Variants in ATP5F1E observed in about 807,000 individuals in gnomAD.
The protein encoded by ATP5F1E is ATP synthase F1 subunit epsilon, also known as ATP synthase F(1) complex subunit epsilon, mitochondrial.
Under a neutral mutation model 7.0 loss-of-function variants are expected in ATP5F1E, and 5 were observed. That is an observed-to-expected ratio of 0.71 (90% CI 0.37 to 1.49). The LOEUF is 1.49. Ranked by LOEUF, ATP5F1E falls within the 40% of genes most tolerant of loss-of-function variation. The pLI, the probability that ATP5F1E is intolerant of heterozygous loss-of-function variation, is 0.03. For missense variants in ATP5F1E, 59 were observed against 57.1 expected, an observed-to-expected ratio of 1.03 and a Z score of -0.11; for synonymous variants, 20 against 20.1, an observed-to-expected ratio of 0.99 and a Z score of 0.02.
intron 1 of ATP5F1E, 116 bp downstream of exon 1, chr20:59,032,104 T>G: frequency 7.0e-7 from 1 of 1,435,900 alleles, no homozygotes; most frequent in Middle Eastern, 2.4e-4. Flanking sequence ...CGCCCGAGGC[T>G]TGGCCCAACC....
intron 2 of ATP5F1E, chr20:59,029,155 C>CT (rs1473024357): frequency 6.6e-6 from 1 of 152,198 alleles, no homozygotes; most frequent in East Asian, 1.9e-4. Flanking sequence ...GGGGCTAATG[C>CT]TTTGTTTAAG....
rs1231148717 is a variant in ATP5F1E, at chr20:59,032,308, CTCAGCCGGGCGGT to C, written c.-70_-58del. 5.1e-6 allele frequency: 8 copies of C among 1,572,726 alleles called. No individual in the cohort carries two copies. Among genetic ancestry groups the C allele is most frequent in the African/African-American group, 2.7e-5 (2 of 74,472 alleles). On this transcript the variant is annotated 5_prime_UTR_variant, in exon 1 of 3. Coordinates refer to ENST00000243997, the MANE Select transcript of ATP5F1E (RefSeq NM_006886.4). The stretch of plus-strand genomic sequence containing the variant: ...ATCGCCAAGACGCCGGCAATGTCGG[CTCAGCCGGGCGGT>C]TCAGCCGCAGGAAGATCAGACCACA...
intron 2 of ATP5F1E, 162 bp downstream of exon 2, chr20:59,030,141 A>G: frequency 1.3e-6 from 1 of 743,976 alleles, no homozygotes; most frequent in Non-Finnish European, 2.1e-6. Context: ...AGGCCAGGGG[A>G]CTTCTATAAC....
chr20:59,029,791 G>C (rs540660688), intron 2 of ATP5F1E: 14 of 171,158 alleles, frequency 8.2e-5, no homozygotes, highest in Non-Finnish European at 1.3e-4. Flanking sequence ...TATTCGCTGC[G>C]GGGTCTTGCA....
At position 59,026,678 on chromosome 20, in the gene ATP5F1E, A is replaced by G. The variant is rs2146379736; in HGVS notation, c.*2167T>C. ...AACCATCCAGACTGAGTAGTTAAAA[A>G]TATTTAGAAATGCATCTCACCATCC... On this transcript the variant is annotated 3_prime_UTR_variant, in exon 3 of 3. Coordinates refer to ENST00000243997, the MANE Select transcript of ATP5F1E (RefSeq NM_006886.4). 6.6e-6 allele frequency: 1 copy of G among 152,358 alleles called. No homozygotes were observed. Among genetic ancestry groups the G allele is most frequent in the Non-Finnish European group, 1.5e-5 (1 of 68,026 alleles). The allele number at this position is 152,358 out of a possible 1,614,324, so 9.4% of individuals were successfully genotyped here.
At chr20:59,031,968 G>A (rs1478396713) in intron 1 of ATP5F1E, among the ~76,000 whole-genome samples, 1 of 152,258 alleles carries the variant, frequency 6.6e-6, no homozygotes, top group African/African-American at 2.4e-5. Context: ...AAGGTGTCCA[G>A]GGGCACTCTG....
intron 1 of ATP5F1E, among the ~76,000 whole-genome samples, chr20:59,031,457 C>G (rs1449398418): frequency 6.6e-6 from 1 of 152,192 alleles, no homozygotes; most frequent in Admixed American, 6.5e-5. Flanking sequence ...GGAAGCTCCG[C>G]TGTAGTGTAC....
rs919129995 is a variant in ATP5F1E, at chr20:59,028,472, A to G, written c.*373T>C. On this transcript the variant is annotated 3_prime_UTR_variant, in exon 3 of 3. Coordinates refer to ENST00000243997, the MANE Select transcript of ATP5F1E (RefSeq NM_006886.4). ...CAAAAATAAGGGACTACGAAGCCTC[A>G]ATGACAGCAGATAATTTTGATCACC... 1 of 152,362 alleles carries G rather than the reference A, an allele frequency of 6.6e-6. No individual in the cohort carries two copies. Among genetic ancestry groups the G allele is most frequent in the Non-Finnish European group, 1.5e-5 (1 of 68,042 alleles). 9.4% of individuals were successfully genotyped at this position (152,362 alleles called of 1,614,324 possible). A position where few individuals can be genotyped will look rare whatever the true frequency, so the allele number is the denominator to read the frequency against.
intron 1 of ATP5F1E, 88 bp downstream of exon 1, chr20:59,032,132 C>A: frequency 6.6e-7 from 1 of 1,521,342 alleles, no homozygotes; most frequent in Non-Finnish European, 8.9e-7. Context: ...CGCGTGGGGC[C>A]GCTGCTCTGT....
chr20:59,031,672 A>G (rs2146384769), intron 1 of ATP5F1E, among the ~76,000 whole-genome samples: 1 of 152,290 alleles, frequency 6.6e-6, no homozygotes, highest in Middle Eastern at 3.4e-3. Context: ...CATCTTTGTG[A>G]GGGGCTCTCG....
At position 59,028,293 on chromosome 20, in the gene ATP5F1E, A is replaced by T. The variant is rs928844443; in HGVS notation, c.*552T>A. ...ACAATGTGAAAAACACTTTGTGCTT[A>T]AATTCTGTAACCGTTCTTATCTATA... On this transcript the variant is annotated 3_prime_UTR_variant, in exon 3 of 3. Coordinates refer to ENST00000243997, the MANE Select transcript of ATP5F1E (RefSeq NM_006886.4). 6.6e-6 allele frequency: 1 copy of T among 152,260 alleles called. No homozygotes were observed. Among genetic ancestry groups the T allele is most frequent in the African/African-American group, 2.4e-5 (1 of 41,468 alleles). The allele number at this position is 152,260 out of a possible 1,614,324, so 9.4% of individuals were successfully genotyped here.
In ATP5F1E at chr20:59,030,208, A is replaced by C. The variant is rs983640126; in HGVS notation, c.*3+95T>G. ...CTAACTTCCAAATACACTGACTAAA[A>C]AATGAATAGAACCCAAAACTAAAAT... is the stretch of plus-strand genomic sequence containing the variant. On this transcript the variant is annotated intron_variant, in intron 2 of 2. Coordinates refer to ENST00000243997, the MANE Select transcript of ATP5F1E (RefSeq NM_006886.4). The C allele has an allele frequency of 5.7e-5, 86 of 1,507,738 alleles. 1 individual carries two copies. The Middle Eastern group carries it at 6.4e-4, about 11-fold the overall frequency. 93.4% of individuals were successfully genotyped at this position (1,507,738 alleles called of 1,614,324 possible). A position where few individuals can be genotyped will look rare whatever the true frequency, so the allele number is the denominator to read the frequency against.
At position 59,030,418 on chromosome 20, in the gene ATP5F1E, T is replaced by C. The variant is rs757908623; in HGVS notation, c.44A>G (p.Tyr15Cys). The change falls in exon 2 of 3, where the codon TAC becomes TGC. Residue 15 changes from tyrosine (Y) to cysteine (C), a missense_variant. Coordinates refer to ENST00000243997, the MANE Select transcript of ATP5F1E (RefSeq NM_006886.4). ...WRQAGLSYIR[Y>C]SQICAKAVRD... Reference sequence around the variant, plus strand: ...CACTGCTTTTGCACAGATCTGGGAGTATCGGATGTAGCTGGGAGAAAATGA... The same window carrying C: ...CACTGCTTTTGCACAGATCTGGGAGCATCGGATGTAGCTGGGAGAAAATGA... 7 of 1,613,704 alleles carry C rather than the reference T, an allele frequency of 4.3e-6. No individual in the cohort carries two copies. The highest frequency in any genetic ancestry group is 5.9e-6 in the Non-Finnish European group (7 of 1,179,842).
intron 1 of ATP5F1E, among the ~76,000 whole-genome samples, chr20:59,031,998 T>C (rs1331180720): frequency 6.6e-6 from 1 of 152,230 alleles, no homozygotes; most frequent in Non-Finnish European, 1.5e-5. Flanking sequence ...GGCCGCACCG[T>C]CGGGAAGCGA....
chr20:59,032,304 T>C lies in ATP5F1E; in HGVS notation c.-53A>G, dbSNP rs1186288495. 5 of 1,579,320 alleles carry C rather than the reference T, an allele frequency of 3.2e-6. No individual in the cohort carries two copies. The highest frequency in any genetic ancestry group is 2.3e-5 in the East Asian group (1 of 43,658). On this transcript the variant is annotated 5_prime_UTR_variant, in exon 1 of 3. Coordinates refer to ENST00000243997, the MANE Select transcript of ATP5F1E (RefSeq NM_006886.4). ...CCGAATCGCCAAGACGCCGGCAATG[T>C]CGGCTCAGCCGGGCGGTTCAGCCGC...
rs1059150 is a variant in ATP5F1E, at chr20:59,030,384, T to C, written c.78A>G (p.Ala26=). ...CATTTGCTTTGAATTCTGTCTTCAG[T>C]GCATCTCTCACTGCTTTTGCACAGA... ...SQICAKAVRD[A]LKTEFKANAE... The change falls in exon 2 of 3, where the codon GCA becomes GCG. Residue 26 remains alanine, a synonymous_variant. Coordinates refer to ENST00000243997, the MANE Select transcript of ATP5F1E (RefSeq NM_006886.4). 6.2e-7 allele frequency: 1 copy of C among 1,613,990 alleles called. No individual in the cohort carries two copies. The highest frequency in any genetic ancestry group is 1.3e-5 in the African/African-American group (1 of 75,040).
Position 59,027,742 on chromosome 20 carries a change from T to A in ATP5F1E, c.*1103A>T, listed in dbSNP as rs2092002001. On this transcript the variant is annotated 3_prime_UTR_variant, in exon 3 of 3. Coordinates refer to ENST00000243997, the MANE Select transcript of ATP5F1E (RefSeq NM_006886.4). ...GCACCCTCTTCCACTCAATTGGCTC[T>A]GCCTCCCTGCTCGCTCTGTGCTGAG... The A allele has an allele frequency of 6.6e-6, 1 of 152,240 alleles. No individual in the cohort carries two copies. The highest frequency in any genetic ancestry group is 6.5e-5 in the Admixed American group (1 of 15,276). The allele number at this position is 152,240 out of a possible 1,614,324, so 9.4% of individuals were successfully genotyped here. A position where few individuals can be genotyped will look rare whatever the true frequency, so the allele number is the denominator to read the frequency against.
intron 2 of ATP5F1E, chr20:59,029,970 A>G: frequency 3.0e-6 from 1 of 336,282 alleles, no homozygotes; most frequent in South Asian, 2.4e-5. Flanking sequence ...GCAATTATAC[A>G]AGTGGGGAGT....
chr20:59,026,460 C>T lies in ATP5F1E; in HGVS notation c.*2385G>A, dbSNP rs531534689. ...TACACATGCTTCCTCTGGTGCTTTA[C>T]TTCCCAAACCTAAAAAAGCAATGAA... On this transcript the variant is annotated 3_prime_UTR_variant, in exon 3 of 3. Transcript: ENST00000243997. The T allele has an allele frequency of 6.6e-6, 1 of 152,300 alleles. No homozygotes were observed. Among genetic ancestry groups the T allele is most frequent in the Admixed American group, 6.5e-5 (1 of 15,300 alleles). The allele number at this position is 152,300 out of a possible 1,614,324, so 9.4% of individuals were successfully genotyped here. A position where few individuals can be genotyped will look rare whatever the true frequency, so the allele number is the denominator to read the frequency against.
Sources: gnomAD v4.1 joint callset for allele counts (sites outside exome capture counted in the v4.1 genomes callset) on GRCh38, gnomAD v4.1.1 for gene constraint, MANE v1.5 for transcripts, NCBI Gene and HGNC (gene_info 2026-07-23, HGNC 2026-07-21) for gene names.